The following TJP2 variants were observed in gnomAD, a reference collection of about 807,000 sequenced individuals.
TJP2 encodes the protein tight junction protein 2.
A neutral mutation model predicts 133.1 loss-of-function variants in TJP2; 91 were observed. The observed-to-expected ratio is 0.68, with a 90% confidence interval of 0.58 to 0.81. The LOEUF (loss-of-function observed/expected upper bound fraction) is 0.81, where lower values mean the gene tolerates loss of function less well. TJP2 is among the 40% of genes least tolerant of loss of function. The probability of loss-of-function intolerance (pLI) is 0.00; values close to 1 mark genes in which losing one functional copy is unlikely to be tolerated. For missense variants in TJP2, 1,541 were observed against 1,565.6 expected (o/e 0.98, Z 0.26); for synonymous variants, 592 against 583.4 (o/e 1.01, Z -0.21).
At position 69,226,074 on chromosome 9, in the gene TJP2, T is replaced by C; in HGVS notation, c.1109T>C (p.Ile370Thr). 6.2e-7 allele frequency: 1 copy of C among 1,614,128 alleles called. No homozygotes were observed. The highest frequency in any genetic ancestry group is 8.5e-7 in the Non-Finnish European group (1 of 1,180,008). The change falls in exon 7 of 23, where the codon ATA becomes ACA. Residue 370 changes from isoleucine to threonine, a missense_variant. Physicochemically the swap from Ile to Thr is moderately conservative, Grantham distance 89. Transcript: ENST00000377245. ...TCTTTAACGGATGCTCGAAAATTGA[T>C]AGAAAAGTCAAGAGGAAAACTACAG... ...NMSLTDARKL[I>T]EKSRGKLQLV... is the part of the protein sequence containing the mutation.
intron 19 of TJP2, 163 bp downstream of exon 19, chr9:69,248,387 A>T: frequency 7.0e-7 from 1 of 1,437,436 alleles, no homozygotes; most frequent in African/African-American, 1.4e-5. Context: ...GCATGGTTGC[A>T]GTCTGTGGGA....
chr9:69,247,255 G>A (rs958422526), intron 18 of TJP2, among the ~76,000 whole-genome samples: 2 of 152,236 alleles, frequency 1.3e-5, no homozygotes, highest in African/African-American at 2.4e-5. Context: ...TTGAATGGGT[G>A]ATATGAGAAC....
At chr9:69,139,540 T>C (rs1822922819) in intron 1 of TJP2, among the ~76,000 whole-genome samples, 1 of 152,108 alleles carries the variant, frequency 6.6e-6, no homozygotes, top group Non-Finnish European at 1.5e-5. Flanking sequence ...CTCACAGCCC[T>C]CGCAGGACCT....
At chr9:69,172,116 A>G (rs934003484), upstream of TJP2, among the ~76,000 whole-genome samples, 4 of 152,170 alleles carry the variant, frequency 2.6e-5, no homozygotes, top group African/African-American at 9.7e-5. Flanking sequence ...CTTTGGATAA[A>G]CACATTCTAG....
At chr9:69,174,204 G>A (rs1382628677), upstream of TJP2, 3 of 1,394,656 alleles carry the variant, frequency 2.2e-6, no homozygotes, top group East Asian at 8.9e-5. Context: ...GGCTGACGCC[G>A]CCGCCGCCGC....
rs2133372964 is a variant in TJP2, at chr9:69,234,522, C to A, written c.1755C>A (p.Thr585=). ...AAATCCCTAAAGGTGAAATGGTGAC[C>A]ATTTTAGCTCAGAGCCGAGCCGATG... ...LLEIPKGEMV[T]ILAQSRADVY... Residue 585 remains threonine, a synonymous_variant, in exon 12 of 23, where the codon ACC becomes ACA. Transcript: ENST00000377245. 1 of 1,366,332 alleles carries A rather than the reference C, an allele frequency of 7.3e-7. No individual in the cohort carries two copies. Among genetic ancestry groups the A allele is most frequent in the Non-Finnish European group, 9.7e-7 (1 of 1,035,102 alleles). The allele number at this position is 1,366,332 out of a possible 1,614,324, so 84.6% of individuals were successfully genotyped here. A position where few individuals can be genotyped will look rare whatever the true frequency, so the allele number is the denominator to read the frequency against.
chr9:69,207,407 A>G (rs1182018063), intron 1 of TJP2, among the ~76,000 whole-genome samples: 1 of 152,170 alleles, frequency 6.6e-6, no homozygotes, highest in Non-Finnish European at 1.5e-5. Flanking sequence ...TCTTCATTGC[A>G]GTAAAACATT....
intron 2 of TJP2, among the ~76,000 whole-genome samples, chr9:69,212,868 G>T (rs1194736395): frequency 2.4e-5 from 2 of 81,958 alleles, no homozygotes; most frequent in Non-Finnish European, 6.0e-5. Context: ...TTATGAAAGA[G>T]AGAAAAGAAA....
At chr9:69,156,601 C>T (rs1043974279) in intron 2 of TJP2, among the ~76,000 whole-genome samples, 1 of 147,280 alleles carries the variant, frequency 6.8e-6, no homozygotes, top group East Asian at 2.0e-4. Flanking sequence ...GCGCGATCTC[C>T]GCTCACTGCA....
intron 1 of TJP2, among the ~76,000 whole-genome samples, chr9:69,187,466 A>G (rs530790799): frequency 2.0e-5 from 3 of 152,306 alleles, no homozygotes; most frequent in Admixed American, 2.0e-4. Context: ...CCAATTTGAG[A>G]TATACTGACT....
At chr9:69,208,491 G>T (rs1827610034) in intron 1 of TJP2, among the ~76,000 whole-genome samples, 1 of 152,098 alleles carries the variant, frequency 6.6e-6, no homozygotes, top group African/African-American at 2.4e-5. Flanking sequence ...TCCCATTATT[G>T]AAGGGCTGTG....
At chr9:69,133,394 C>T (rs550843392) in intron 1 of TJP2, among the ~76,000 whole-genome samples, 14 of 152,246 alleles carry the variant, frequency 9.2e-5, no homozygotes, top group Admixed American at 7.2e-4. Flanking sequence ...GTGTATTCTC[C>T]GGAAAGACTG....
chr9:69,190,179 C>G (rs922306546), intron 1 of TJP2, among the ~76,000 whole-genome samples: 1 of 152,218 alleles, frequency 6.6e-6, no homozygotes, highest in Non-Finnish European at 1.5e-5. Context: ...ACCTCCCTCA[C>G]TGTCTTTTTC....
At chr9:69,187,130 A>C (rs150128555) in intron 1 of TJP2, among the ~76,000 whole-genome samples, 2 of 152,354 alleles carry the variant, frequency 1.3e-5, no homozygotes, top group East Asian at 3.9e-4. Flanking sequence ...TGCAGTCAGC[A>C]TGCACGGCCT....
rs182831260 is a variant in TJP2 at position 69,231,195 on chromosome 9, C to T, written c.1671+963C>T. On this transcript the variant is annotated intron_variant, in intron 11 of 22. Transcript: ENST00000377245. ...TGCTATCTCAGATCACCGCAACCTC[C>T]GCCTCCTGGGTTCAAGCAATTCTTA... is the stretch of plus-strand genomic sequence containing the variant. Among the ~76,000 whole-genome samples, 37 of 152,176 alleles carry T rather than the reference C, an allele frequency of 2.4e-4. 1 individual carries two copies. The highest frequency in any genetic ancestry group is 3.4e-4 in the African/African-American group (14 of 41,536).
At chr9:69,185,522 G>A (rs1825799698) in intron 1 of TJP2, among the ~76,000 whole-genome samples, 1 of 152,202 alleles carries the variant, frequency 6.6e-6, no homozygotes, top group South Asian at 2.1e-4. Flanking sequence ...AAAGGTATAA[G>A]CTTGAGAAAT....
chr9:69,246,875 T>C, intron 18 of TJP2, 85 bp downstream of exon 18: 2 of 1,217,204 alleles, frequency 1.6e-6, no homozygotes, highest in Non-Finnish European at 2.4e-6. Context: ...AGTCAAGCCA[T>C]GCCCATTTGA....
chr9:69,239,087 G>T (rs1045176987), intron 16 of TJP2, among the ~76,000 whole-genome samples: 2 of 152,336 alleles, frequency 1.3e-5, no homozygotes, highest in East Asian at 1.9e-4. Context: ...CACTCAGGAG[G>T]CTGAGGCAGG....
At chr9:69,202,247 G>T (rs1054721816) in intron 1 of TJP2, among the ~76,000 whole-genome samples, 1 of 152,102 alleles carries the variant, frequency 6.6e-6, no homozygotes, top group Non-Finnish European at 1.5e-5. Context: ...GAAAGCAAGG[G>T]GGTTTAGCTC....
Sources: gnomAD v4.1 joint callset for allele counts (sites outside exome capture counted in the v4.1 genomes callset) on GRCh38, gnomAD v4.1.1 for gene constraint, MANE v1.5 for transcripts, NCBI Gene and HGNC (gene_info 2026-07-23, HGNC 2026-07-21) for gene names.